PRKN: variants seen among roughly 807,000 people sequenced by gnomAD.
PRKN encodes the protein E3 ubiquitin-protein ligase parkin.
In PRKN, 56 loss-of-function variants were observed where a neutral mutation model predicts 59.5. That is an observed-to-expected ratio of 0.94 (90% CI 0.76 to 1.18). The LOEUF is 1.18. PRKN is among the 50% of genes most tolerant of loss of function. The probability of loss-of-function intolerance (pLI) is 0.00; values close to 1 mark genes in which losing one functional copy is unlikely to be tolerated. For missense variants in PRKN, 657 were observed against 596.4 expected (o/e 1.10, Z -1.06); for synonymous variants, 250 against 222.1 (o/e 1.13, Z -1.12).
intron 6 of PRKN, among the ~76,000 whole-genome samples, chr6:161,810,533 A>C (rs1474406091): frequency 1.3e-5 from 2 of 152,212 alleles, no homozygotes; most frequent in Non-Finnish European, 2.9e-5. Flanking sequence ...ATCATTTTAT[A>C]CCCATATACA....
intron 7 of PRKN, among the ~76,000 whole-genome samples, chr6:161,598,935 G>C (rs546701925): frequency 2.6e-5 from 4 of 152,132 alleles, no homozygotes; most frequent in Non-Finnish European, 5.9e-5. Context: ...GGTCATGAGG[G>C]TGGGCCCTAA....
chr6:162,705,227 TC>T (rs1562511733), intron 1 of PRKN, among the ~76,000 whole-genome samples: 1 of 152,252 alleles, frequency 6.6e-6, no homozygotes, highest in East Asian at 1.9e-4. Flanking sequence ...AGACTGCCTC[TC>T]CCCTCCTCAC....
intron 2 of PRKN, among the ~76,000 whole-genome samples, chr6:162,440,179 C>T (rs1365641714): frequency 6.6e-6 from 1 of 152,108 alleles, no homozygotes; most frequent in Non-Finnish European, 1.5e-5. Flanking sequence ...CAAAACTGAA[C>T]AGATGAGTGT....
intron 2 of PRKN, among the ~76,000 whole-genome samples, chr6:162,441,570 A>G (rs549054572): frequency 5.9e-5 from 9 of 152,226 alleles, no homozygotes; most frequent in Non-Finnish European, 1.3e-4. Context: ...TAGGTTGAAC[A>G]ACATGAAATT....
intron 7 of PRKN, among the ~76,000 whole-genome samples, chr6:161,628,791 A>C (rs930070740): frequency 1.3e-5 from 2 of 152,272 alleles, no homozygotes; most frequent in South Asian, 4.1e-4. Flanking sequence ...GCAGGGCTAC[A>C]TTTGGCCCTG....
chr6:162,671,372 G>A (rs907561942), intron 1 of PRKN, among the ~76,000 whole-genome samples: 3 of 152,002 alleles, frequency 2.0e-5, no homozygotes, highest in Admixed American at 6.6e-5. Flanking sequence ...GGTGGCGCGC[G>A]CCTGTAGTCC....
At chr6:161,509,042 C>T (rs960882903) in intron 9 of PRKN, among the ~76,000 whole-genome samples, 2 of 152,082 alleles carry the variant, frequency 1.3e-5, no homozygotes, top group African/African-American at 4.8e-5. Flanking sequence ...CAGGGTTTCT[C>T]CATGTTGGTC....
intron 2 of PRKN, among the ~76,000 whole-genome samples, chr6:162,272,156 C>T (rs1780421200): frequency 6.6e-6 from 1 of 152,100 alleles, no homozygotes; most frequent in Non-Finnish European, 1.5e-5. Flanking sequence ...TGGCTACATG[C>T]CAGCAACTGC....
At position 161,844,743 on chromosome 6, in the gene PRKN, G is replaced by A. The variant is rs559759368; in HGVS notation, c.735-58835C>T. Among the ~76,000 whole-genome samples, 4 of 152,308 alleles carry A rather than the reference G, an allele frequency of 2.6e-5. No homozygotes were observed. The South Asian group carries it at 8.3e-4, about 32-fold the overall frequency. ...AGGAAATGTCAATGCAAAACAGAAGGGGGTATAAGGCAGCAGGACAGACCC... is the reference window on the plus strand; with the variant it reads ...AGGAAATGTCAATGCAAAACAGAAGAGGGTATAAGGCAGCAGGACAGACCC... On this transcript the variant is annotated intron_variant, in intron 6 of 11. Transcript: ENST00000366898.
intron 1 of PRKN, among the ~76,000 whole-genome samples, chr6:162,556,621 C>T (rs927526135): frequency 4.6e-5 from 7 of 151,514 alleles, no homozygotes; most frequent in African/African-American, 1.7e-4. Flanking sequence ...GTGGCGTGCA[C>T]CTGTAGTCCC....
chr6:161,805,061 C>A lies in PRKN; in HGVS notation c.735-19153G>T, dbSNP rs1397890804. Among the ~76,000 whole-genome samples, 7 of 152,152 alleles carry A rather than the reference C, an allele frequency of 4.6e-5. No homozygotes were observed. In the East Asian group the frequency reaches 1.4e-3, roughly 29 times the overall value. On this transcript the variant is annotated intron_variant, in intron 6 of 11. Transcript: ENST00000366898. ...TCTAGGTTATCGTATGGCCACTAAA[C>A]CACATTTCCACTTTGCCTCCCACTA... is the stretch of plus-strand genomic sequence containing the variant.
intron 7 of PRKN, among the ~76,000 whole-genome samples, chr6:161,754,710 C>A (rs1788840359): frequency 6.6e-6 from 1 of 152,176 alleles, no homozygotes; most frequent in African/African-American, 2.4e-5. Context: ...GCAAAGATGA[C>A]AAATATTGTG....
chr6:162,441,655 G>T (rs1790059416), intron 2 of PRKN, among the ~76,000 whole-genome samples: 1 of 152,110 alleles, frequency 6.6e-6, no homozygotes, highest in African/African-American at 2.4e-5. Flanking sequence ...CATAAATAAA[G>T]AGCAGTCTCC....
In PRKN at chr6:161,467,875, C is replaced by T. The variant is rs993689322; in HGVS notation, c.1083+80979G>A. On this transcript the variant is annotated intron_variant, in intron 9 of 11. Coordinates refer to ENST00000366898, the MANE Select transcript of PRKN (RefSeq NM_004562.3). The surrounding 1 kb of genome is among the most constrained non-coding windows in gnomAD (Gnocchi z 4.3). ...ATGGCTCCCTTGTGACCATGGAGGT[C>T]CCACACTGTCCGTCAGTTGCATACT... Among the ~76,000 whole-genome samples, 3 of 152,108 alleles carry T rather than the reference C, an allele frequency of 2.0e-5. No individual in the cohort carries two copies. Among genetic ancestry groups the T allele is most frequent in the African/African-American group, 7.2e-5 (3 of 41,412 alleles).
chr6:161,596,565 T>A (rs1781920707), intron 7 of PRKN, among the ~76,000 whole-genome samples: 1 of 152,162 alleles, frequency 6.6e-6, no homozygotes, highest in African/African-American at 2.4e-5. Flanking sequence ...TGCCTTGCCT[T>A]TCACCCACCA....
intron 4 of PRKN, among the ~76,000 whole-genome samples, chr6:162,191,854 G>C (rs1459476057): frequency 6.6e-6 from 1 of 152,176 alleles, no homozygotes; most frequent in East Asian, 1.9e-4. Context: ...AAGGACAGTG[G>C]CTAGTAAAGC....
chr6:161,435,275 G>T (rs965831499), intron 9 of PRKN, among the ~76,000 whole-genome samples: 1 of 152,044 alleles, frequency 6.6e-6, no homozygotes, highest in African/African-American at 2.4e-5. Context: ...CATTATAAGC[G>T]GTTACATTCC....
intron 7 of PRKN, among the ~76,000 whole-genome samples, chr6:161,769,669 G>A (rs1448582410): frequency 4.6e-5 from 7 of 152,084 alleles, no homozygotes; most frequent in Non-Finnish European, 1.5e-5. Context: ...GCTATTTCTG[G>A]GCTGGGATTA....
At position 161,467,573 on chromosome 6, in the gene PRKN, CAGGTTGAG is replaced by C. The variant is rs1790543439; in HGVS notation, c.1084-80704_1084-80697del. Among the ~76,000 whole-genome samples, 1 of 152,090 alleles carries C rather than the reference CAGGTTGAG, an allele frequency of 6.6e-6. No individual in the cohort carries two copies. The highest frequency in any genetic ancestry group is 1.5e-5 in the Non-Finnish European group (1 of 68,024). ...AAACATGCAGATTGCTATGGGAATG[CAGGTTGAG>C]AGGTGCTGAGCCTAAAAGGAGGATA... On this transcript the variant is annotated intron_variant, in intron 9 of 11. Transcript: ENST00000366898. This position sits in a 1 kb window ranked among gnomAD's most constrained non-coding sequence, Gnocchi z 4.3.
Sources: allele counts gnomAD v4.1 joint callset (sites outside exome capture counted in the v4.1 genomes callset), GRCh38; gene constraint gnomAD v4.1.1; non-coding constraint Gnocchi (gnomAD v3.1); transcripts MANE v1.5; gene names NCBI Gene and HGNC (gene_info 2026-07-23, HGNC 2026-07-21).